MED12L: variants seen among roughly 807,000 people sequenced by gnomAD.
MED12L encodes the protein mediator complex subunit 12L, also known as mediator of RNA polymerase II transcription subunit 12-like protein.
In MED12L, 60 loss-of-function variants were observed where a neutral mutation model predicts 281.3. The observed-to-expected ratio is 0.21, with a 90% CI of 0.17 to 0.26. MED12L has a LOEUF of 0.26. MED12L is among the 10% of genes least tolerant of loss of function. The probability of loss-of-function intolerance (pLI) is 1.00; values close to 1 mark genes in which losing one functional copy is unlikely to be tolerated. For missense variants in MED12L, 2,146 were observed against 2,680.9 expected (o/e 0.80, Z 4.41); for synonymous variants, 974 against 987.2 (o/e 0.99, Z 0.25).
chr3:151,263,712 T>C (rs916893899), intron 16 of MED12L, among the ~76,000 whole-genome samples: 1 of 152,134 alleles, frequency 6.6e-6, no homozygotes, highest in Non-Finnish European at 1.5e-5. Flanking sequence ...TAATGTAATA[T>C]AGAGATTAAG....
intron 16 of MED12L, among the ~76,000 whole-genome samples, chr3:151,269,278 T>C (rs879873827): frequency 6.6e-6 from 1 of 152,098 alleles, no homozygotes; most frequent in Non-Finnish European, 1.5e-5. Context: ...TGCATGCCTG[T>C]AATCCCAGCT....
intron 12 of MED12L, among the ~76,000 whole-genome samples, chr3:151,186,849 G>A (rs1026684317): frequency 6.6e-6 from 1 of 152,212 alleles, no homozygotes; most frequent in Non-Finnish European, 1.5e-5. Context: ...GAGCTGGACA[G>A]CAGAAAGCTC....
chr3:151,214,362 T>G, intron 16 of MED12L: 1 of 1,524,810 alleles, frequency 6.6e-7, no homozygotes, highest in Non-Finnish European at 9.0e-7. Flanking sequence ...TGTGAACTGG[T>G]CACTCATAGG....
At chr3:151,425,379 CAAAATACATT>C (rs904227704) in intron 43 of MED12L, 5 of 224,882 alleles carry the variant, frequency 2.2e-5, no homozygotes, top group African/African-American at 1.1e-4. Context: ...CAAAATACAT[CAAAATACATT>C]ATCAGAATTT....
At chr3:151,166,963 C>T (rs1206704025) in intron 11 of MED12L, among the ~76,000 whole-genome samples, 4 of 152,236 alleles carry the variant, frequency 2.6e-5, no homozygotes, top group Non-Finnish European at 5.9e-5. Context: ...CCTGAGCCAC[C>T]GCACCCGGCC....
chr3:151,311,763 A>G (rs1349207669), intron 16 of MED12L, among the ~76,000 whole-genome samples: 1 of 152,206 alleles, frequency 6.6e-6, no homozygotes, highest in African/African-American at 2.4e-5. Flanking sequence ...GTGGTGGCTC[A>G]TGCCTGTAAT....
At chr3:151,095,088 G>T (rs984756141) in intron 2 of MED12L, among the ~76,000 whole-genome samples, 1 of 152,202 alleles carries the variant, frequency 6.6e-6, no homozygotes, top group Admixed American at 6.5e-5. Flanking sequence ...AAGCTGCAGA[G>T]AATAATATCT....
At chr3:151,426,390 G>A (rs1560152633) in intron 43 of MED12L, among the ~76,000 whole-genome samples, 1 of 152,200 alleles carries the variant, frequency 6.6e-6, no homozygotes, top group Non-Finnish European at 1.5e-5. Context: ...GGCTTCTGTA[G>A]GGTGTTGGAG....
At chr3:151,271,149 A>G in intron 16 of MED12L, among the ~76,000 whole-genome samples, 1 of 152,206 alleles carries the variant, frequency 6.6e-6, no homozygotes, top group Non-Finnish European at 1.5e-5. Context: ...GACTATTTAA[A>G]TAATTTTCAT....
chr3:151,330,235 A>C (rs1168416943), intron 16 of MED12L, among the ~76,000 whole-genome samples: 1 of 152,214 alleles, frequency 6.6e-6, no homozygotes, highest in Non-Finnish European at 1.5e-5. Flanking sequence ...GCACTAAAAA[A>C]TGTTAGCCAC....
At chr3:151,232,752 C>T (rs1217460380) in intron 16 of MED12L, among the ~76,000 whole-genome samples, 1 of 152,000 alleles carries the variant, frequency 6.6e-6, no homozygotes, top group Non-Finnish European at 1.5e-5. Flanking sequence ...CTCATGGACA[C>T]AAAGGGAACA....
intron 5 of MED12L, among the ~76,000 whole-genome samples, chr3:151,138,980 T>C (rs78254906): frequency 0.015 from 2,145 of 142,994 alleles, 15 homozygotes; most frequent in East Asian, 0.034. Context: ...TTGTCTCTTA[T>C]CTACCTACCT....
intron 16 of MED12L, among the ~76,000 whole-genome samples, chr3:151,194,640 A>G (rs933506420): frequency 6.6e-6 from 1 of 152,202 alleles, no homozygotes; most frequent in Admixed American, 6.5e-5. Flanking sequence ...TAAGAATTGT[A>G]TAGCAAATGG....
At chr3:151,413,511 G>A (rs1329779281) in intron 42 of MED12L, among the ~76,000 whole-genome samples, 6 of 152,148 alleles carry the variant, frequency 3.9e-5, no homozygotes, top group African/African-American at 1.4e-4. Context: ...AGAAGAGTAC[G>A]TTTTGCAGAA....
rs1268156455 is a variant in MED12L, at chr3:151,284,066, C to CTA, written c.2251-65992_2251-65991insAT. Among the ~76,000 whole-genome samples, 6 of 152,302 alleles carry CTA rather than the reference C, an allele frequency of 3.9e-5. No individual in the cohort carries two copies. The East Asian group carries it at 1.2e-3, about 29-fold the overall frequency. Reference sequence around the variant, plus strand: ...AGTCACTGAGTGAGCTGGAATGAAACTTAATGAATGTAAGAACATACTTCG... The same window carrying CTA: ...AGTCACTGAGTGAGCTGGAATGAAACTATTAATGAATGTAAGAACATACTTCG... On this transcript the variant is annotated intron_variant, in intron 16 of 44. Coordinates refer to ENST00000687756, the MANE Select transcript of MED12L (RefSeq NM_001393769.1).
At chr3:151,139,324 G>C (rs1332604421) in intron 5 of MED12L, among the ~76,000 whole-genome samples, 3 of 152,186 alleles carry the variant, frequency 2.0e-5, no homozygotes, top group African/African-American at 7.2e-5. Context: ...TTAAAGGAGA[G>C]TGGTATTAGA....
chr3:151,206,113 C>T (rs1341090239), intron 16 of MED12L, among the ~76,000 whole-genome samples: 4 of 146,316 alleles, frequency 2.7e-5, no homozygotes, highest in African/African-American at 1.0e-4. Context: ...TTCTTTCCCA[C>T]CTGCGTTAGC....
At chr3:151,416,523 G>T in intron 43 of MED12L, 101 bp downstream of exon 43, 1 of 1,293,388 alleles carries the variant, frequency 7.7e-7, no homozygotes, top group Non-Finnish European at 1.1e-6. Context: ...CAAAGCCTAA[G>T]TATACCCTAA....
chr3:151,088,812 G>C (rs1719628687), intron 2 of MED12L, among the ~76,000 whole-genome samples: 2 of 152,184 alleles, frequency 1.3e-5, no homozygotes. Context: ...AAGCAGAGGA[G>C]TTGTACCACC....
Sources: gnomAD v4.1 joint callset for allele counts (sites outside exome capture counted in the v4.1 genomes callset) on GRCh38, gnomAD v4.1.1 for gene constraint, MANE v1.5 for transcripts, NCBI Gene and HGNC (gene_info 2026-07-23, HGNC 2026-07-21) for gene names.